Variants in PRLR observed in about 807,000 individuals in gnomAD.
The protein encoded by PRLR is prolactin receptor.
Under a neutral mutation model 40.2 loss-of-function variants are expected in PRLR, and 13 were observed. The ratio of observed to expected loss-of-function variants is 0.32; its 90% confidence interval spans 0.21 to 0.51. The LOEUF (loss-of-function observed/expected upper bound fraction) is 0.51, where lower values mean the gene tolerates loss of function less well. PRLR is among the 20% of genes least tolerant of loss of function. The pLI is 0.97. For synonymous variants in PRLR, 269 were observed against 278.7 expected (o/e 0.97, Z 0.35); for missense variants, 656 against 747.3 (o/e 0.88, Z 1.42).
intron 1 of PRLR, among the ~76,000 whole-genome samples, chr5:35,174,975 T>C (rs1259593753): frequency 2.0e-5 from 3 of 152,166 alleles, no homozygotes; most frequent in African/African-American, 7.2e-5. Context: ...TTAGGTATAA[T>C]ATAAGGATGG....
At chr5:35,138,343 A>T (rs942021136) in intron 1 of PRLR, among the ~76,000 whole-genome samples, 1 of 152,250 alleles carries the variant, frequency 6.6e-6, no homozygotes, top group African/African-American at 2.4e-5. Context: ...AAGACAGTAA[A>T]TACTATGTTA....
chr5:35,068,640 T>C (rs1173513019), intron 8 of PRLR, 139 bp downstream of exon 8: 1 of 704,472 alleles, frequency 1.4e-6, no homozygotes, highest in Non-Finnish European at 2.4e-6. Flanking sequence ...GATAAAAGAT[T>C]TTTTTTATGG....
At chr5:35,077,593 A>G (rs1770197881) in intron 5 of PRLR, among the ~76,000 whole-genome samples, 1 of 152,186 alleles carries the variant, frequency 6.6e-6, no homozygotes, top group Non-Finnish European at 1.5e-5. Context: ...AGACTCCCAC[A>G]CAATAATAAT....
At chr5:35,137,076 G>T (rs1014429482) in intron 1 of PRLR, among the ~76,000 whole-genome samples, 1 of 152,118 alleles carries the variant, frequency 6.6e-6, no homozygotes, top group Non-Finnish European at 1.5e-5. Flanking sequence ...AATTTCTAAT[G>T]CAGAATACTA....
In PRLR at chr5:35,229,684, C is replaced by A. The variant is rs76525244; in HGVS notation, c.-106+584G>T. Among the ~76,000 whole-genome samples, 2,121 of 152,200 alleles carry A rather than the reference C, an allele frequency of 0.014. 105 individuals carry two copies. In the East Asian group the frequency reaches 0.19, roughly 13 times the overall value. On this transcript the variant is annotated intron_variant, in intron 1 of 9. Transcript: ENST00000618457. ...CGGAGGCTGCTCATCTGCCCCTACCCCCGCTGACTTTTGGGAGGAGCAACA... is the reference window on the plus strand; with the variant it reads ...CGGAGGCTGCTCATCTGCCCCTACCACCGCTGACTTTTGGGAGGAGCAACA...
intron 1 of PRLR, among the ~76,000 whole-genome samples, chr5:35,199,814 C>A (rs1464635696): frequency 6.6e-6 from 1 of 152,086 alleles, no homozygotes; most frequent in Non-Finnish European, 1.5e-5. Context: ...CAAATTTGCA[C>A]CCGAAGGTAT....
rs900658377 is a variant in PRLR at position 35,062,790 on chromosome 5, T to G, written c.*2299A>C. On this transcript the variant is annotated 3_prime_UTR_variant, in exon 10 of 10. Coordinates refer to ENST00000618457, the MANE Select transcript of PRLR (RefSeq NM_000949.7). Reference sequence around the variant, plus strand: ...TTGGCCTTTCAGAAGTTGTGCGTAGTTTTGCAGGTCATTCTTTTATGTGAA... The same window carrying G: ...TTGGCCTTTCAGAAGTTGTGCGTAGGTTTGCAGGTCATTCTTTTATGTGAA... 1 of 152,208 alleles carries G rather than the reference T, an allele frequency of 6.6e-6. No individual in the cohort carries two copies. The highest frequency in any genetic ancestry group is 2.4e-5 in the African/African-American group (1 of 41,458). The allele number at this position is 152,208 out of a possible 1,614,324, so 9.4% of individuals were successfully genotyped here. A position where few individuals can be genotyped will look rare whatever the true frequency, so the allele number is the denominator to read the frequency against.
intron 1 of PRLR, among the ~76,000 whole-genome samples, chr5:35,222,564 A>T (rs1188330349): frequency 6.6e-6 from 1 of 152,278 alleles, no homozygotes; most frequent in East Asian, 1.9e-4. Context: ...GGCTCTCGGG[A>T]CCACTGTGAC....
Position 35,072,684 on chromosome 5 carries a change from G to T in PRLR, c.434C>A (p.Pro145His). The change falls in exon 6 of 10, where the codon CCC becomes CAC. Residue 145 changes from proline to histidine, a missense_variant. Physicochemically the swap from Pro to His is moderately conservative, Grantham distance 77. Coordinates refer to ENST00000618457, the MANE Select transcript of PRLR (RefSeq NM_000949.7). ...TGGAGACCATTTAATCCACAGGTAG[G>T]GTTTTCTGTCTTCTGGCTGTTTTAC... ...VEVKQPEDRK[P>H]YLWIKWSPPT... The T allele has an allele frequency of 6.2e-7, 1 of 1,614,130 alleles. No homozygotes were observed. The highest frequency in any genetic ancestry group is 8.5e-7 in the Non-Finnish European group (1 of 1,180,008).
At chr5:35,113,296 TCCAC>T (rs1211268343) in intron 2 of PRLR, among the ~76,000 whole-genome samples, 3 of 136,666 alleles carry the variant, frequency 2.2e-5, no homozygotes, top group Non-Finnish European at 4.6e-5. Flanking sequence ...CATCCATCCA[TCCAC>T]CCACCCATCT....
exon 9 of PRLR, chr5:35,049,217 A>G: frequency 1.4e-6 from 1 of 702,118 alleles, no homozygotes; most frequent in Non-Finnish European, 2.6e-6. Flanking sequence ...TGGGGTGCAC[A>G]GTCTGTCCTG....
At position 35,065,773 on chromosome 5, in the gene PRLR, C is replaced by T; in HGVS notation, c.1185G>A (p.Gln395=). 2.5e-6 allele frequency: 4 copies of T among 1,614,122 alleles called. No homozygotes were observed. Among genetic ancestry groups the T allele is most frequent in the Non-Finnish European group, 3.4e-6 (4 of 1,180,018 alleles). The change falls in exon 10 of 10, where the codon CAG becomes CAA. Residue 395 remains glutamine, a synonymous_variant. Transcript: ENST00000618457. ...NPETTHTWDP[Q]CISMEGKIPY... Reference sequence around the variant, plus strand: ...GGATTTTGCCTTCCATGCTTATGCACTGGGGGTCCCAGGTGTGGGTTGTTT... The same window carrying T: ...GGATTTTGCCTTCCATGCTTATGCATTGGGGGTCCCAGGTGTGGGTTGTTT...
At chr5:35,189,439 G>A (rs1775538804) in intron 1 of PRLR, among the ~76,000 whole-genome samples, 1 of 152,122 alleles carries the variant, frequency 6.6e-6, no homozygotes, top group African/African-American at 2.4e-5. Context: ...AAATTAACCA[G>A]GCGCCATGGT....
chr5:35,078,369 G>C (rs1381467184), intron 5 of PRLR, among the ~76,000 whole-genome samples: 1 of 151,944 alleles, frequency 6.6e-6, no homozygotes, highest in African/African-American at 2.4e-5. Flanking sequence ...TGATAAAGGG[G>C]ATATCACCAC....
chr5:35,184,063 T>C (rs1427202588), intron 1 of PRLR, among the ~76,000 whole-genome samples: 2 of 152,224 alleles, frequency 1.3e-5, no homozygotes, highest in East Asian at 1.9e-4. Flanking sequence ...CCCTTACCTA[T>C]AAGACCTTGC....
chr5:35,112,364 G>T (rs996012725), intron 2 of PRLR, among the ~76,000 whole-genome samples: 1 of 152,110 alleles, frequency 6.6e-6, no homozygotes, highest in East Asian at 1.9e-4. Context: ...TATTAAAAAG[G>T]CGTTTAATAA....
chr5:35,209,389 A>G (rs1403384225), intron 1 of PRLR, among the ~76,000 whole-genome samples: 2 of 152,204 alleles, frequency 1.3e-5, no homozygotes, highest in Non-Finnish European at 2.9e-5. Context: ...TTCACTTATC[A>G]AAGAAATGAC....
chr5:35,165,935 T>G (rs2111923356), intron 1 of PRLR, among the ~76,000 whole-genome samples: 1 of 152,296 alleles, frequency 6.6e-6, no homozygotes. Flanking sequence ...GACAAGCTCT[T>G]TCAGACAATC....
chr5:35,166,917 A>G (rs982610724), intron 1 of PRLR, among the ~76,000 whole-genome samples: 4 of 152,146 alleles, frequency 2.6e-5, no homozygotes, highest in Non-Finnish European at 4.4e-5. Context: ...TTCCAAATAC[A>G]CACCCTTAAA....
Sources: gnomAD v4.1 joint callset for allele counts (sites outside exome capture counted in the v4.1 genomes callset) on GRCh38, gnomAD v4.1.1 for gene constraint, MANE v1.5 for transcripts, NCBI Gene and HGNC (gene_info 2026-07-23, HGNC 2026-07-21) for gene names.